The following SEMA5A variants were observed in gnomAD, a reference collection of about 807,000 sequenced individuals.
The protein encoded by SEMA5A is semaphorin-5A.
SEMA5A carries 55 observed loss-of-function variants against 135.5 expected under a neutral mutation model. The ratio of observed to expected loss-of-function variants is 0.41; its 90% CI spans 0.33 to 0.51. The LOEUF is 0.51. SEMA5A is among the 20% of genes least tolerant of loss of function. SEMA5A has a pLI of 0.37. For missense variants in SEMA5A, 1,290 were observed against 1,419.9 expected (o/e 0.91, Z 1.47); for synonymous variants, 580 against 546.5 (o/e 1.06, Z -0.85).
At chr5:9,067,892 T>C (rs1737563068) in intron 16 of SEMA5A, among the ~76,000 whole-genome samples, 1 of 152,178 alleles carries the variant, frequency 6.6e-6, no homozygotes, top group African/African-American at 2.4e-5. Context: ...TCCTCAACCT[T>C]ATCTTTCAAA....
At chr5:9,117,565 T>G (rs1156790464) in intron 15 of SEMA5A, among the ~76,000 whole-genome samples, 1 of 152,216 alleles carries the variant, frequency 6.6e-6, no homozygotes, top group Non-Finnish European at 1.5e-5. Context: ...TTATATATTT[T>G]AAATAATTTT....
intron 5 of SEMA5A, among the ~76,000 whole-genome samples, chr5:9,238,550 G>A (rs146615030): frequency 2.8e-4 from 42 of 152,156 alleles, no homozygotes; most frequent in African/African-American, 9.9e-4. Context: ...AATTTGCTAT[G>A]TGTGCTTCCA....
chr5:9,394,648 G>A (rs183332801), intron 2 of SEMA5A, among the ~76,000 whole-genome samples: 95 of 152,292 alleles, frequency 6.2e-4, no homozygotes, highest in Non-Finnish European at 4.9e-4. Flanking sequence ...GGTTTTGGAA[G>A]TGTGGGAATC....
At chr5:9,107,806 T>A (rs17237642) in intron 16 of SEMA5A, among the ~76,000 whole-genome samples, 39,852 of 151,962 alleles carry the variant, frequency 0.26, 5,449 homozygotes, top group Non-Finnish European at 0.31. Context: ...CTGCCAAGAA[T>A]CTCATGTTTG....
At chr5:9,056,243 A>G (rs1363214404) in intron 18 of SEMA5A, among the ~76,000 whole-genome samples, 1 of 152,348 alleles carries the variant, frequency 6.6e-6, no homozygotes, top group East Asian at 1.9e-4. Context: ...ATCATGAATC[A>G]ACAGGGAAAT....
intron 2 of SEMA5A, among the ~76,000 whole-genome samples, chr5:9,409,389 G>A (rs571848001): frequency 1.3e-5 from 2 of 152,300 alleles, no homozygotes; most frequent in African/African-American, 2.4e-5. Flanking sequence ...GGGCCACTAA[G>A]TTACTGGCCA....
At chr5:9,048,557 G>T (rs557904698) in intron 21 of SEMA5A, among the ~76,000 whole-genome samples, 1 of 152,196 alleles carries the variant, frequency 6.6e-6, no homozygotes, top group East Asian at 1.9e-4. Flanking sequence ...TAAGGAGATT[G>T]GTTGTAGAAC....
At chr5:9,518,276 C>T (rs1211433919) in intron 1 of SEMA5A, among the ~76,000 whole-genome samples, 6 of 152,090 alleles carry the variant, frequency 3.9e-5, no homozygotes, top group Non-Finnish European at 8.8e-5. Flanking sequence ...TTTTATGTGT[C>T]CTGATGATAA....
intron 5 of SEMA5A, among the ~76,000 whole-genome samples, chr5:9,268,882 C>T (rs1047532287): frequency 5.3e-5 from 8 of 152,070 alleles, no homozygotes; most frequent in Admixed American, 4.6e-4. Context: ...GTGTTTTAAA[C>T]ATACTAATTT....
chr5:9,410,873 G>GA (rs34258489), intron 2 of SEMA5A, among the ~76,000 whole-genome samples: 173 of 138,728 alleles, frequency 1.2e-3, no homozygotes, highest in South Asian at 3.1e-3. Flanking sequence ...ATAAAAGCAG[G>GA]AAAAAAAAAA....
At chr5:9,197,377 G>A in intron 9 of SEMA5A, 74 bp from the exon 10 acceptor site, 2 of 1,543,114 alleles carry the variant, frequency 1.3e-6, no homozygotes, top group East Asian at 2.3e-5. Flanking sequence ...TATGGACTGG[G>A]CAGCAGCTGT....
In SEMA5A at chr5:9,252,825, AG is replaced by A. The variant is rs1007537098; in HGVS notation, c.271-14936del. On this transcript the variant is annotated intron_variant, in intron 5 of 22. Transcript: ENST00000382496. ...AGCCCTTTCTTATACAGCTCAGAGC[AG>A]GGACACCCTGGGGAGGTGTGAAGAA... Among the ~76,000 whole-genome samples the A allele has an allele frequency of 4.6e-5, 7 of 152,320 alleles. 1 individual carries two copies. Among genetic ancestry groups the A allele is most frequent in the Admixed American group, 4.6e-4 (7 of 15,296 alleles).
chr5:9,399,099 A>G (rs953018), intron 2 of SEMA5A, among the ~76,000 whole-genome samples: 31,031 of 152,246 alleles, frequency 0.2, 3,684 homozygotes, highest in Middle Eastern at 0.29. Flanking sequence ...TCCTATGTCT[A>G]TATCTAAGAG....
At chr5:9,147,327 T>C (rs1443756432) in intron 12 of SEMA5A, among the ~76,000 whole-genome samples, 2 of 152,160 alleles carry the variant, frequency 1.3e-5, no homozygotes, top group Non-Finnish European at 2.9e-5. Flanking sequence ...AATCTTGCTC[T>C]GTCACCCAGG....
At chr5:9,431,537 C>T (rs1757856035) in intron 2 of SEMA5A, among the ~76,000 whole-genome samples, 1 of 152,076 alleles carries the variant, frequency 6.6e-6, no homozygotes, top group Non-Finnish European at 1.5e-5. Flanking sequence ...CACATGAAAC[C>T]CCCACTAGCT....
At chr5:9,514,603 C>T (rs1430185311) in intron 1 of SEMA5A, among the ~76,000 whole-genome samples, 2 of 152,184 alleles carry the variant, frequency 1.3e-5, no homozygotes, top group African/African-American at 4.8e-5. Context: ...TACTTACAAT[C>T]CCTAATACAA....
intron 1 of SEMA5A, among the ~76,000 whole-genome samples, chr5:9,536,695 G>A (rs1421464660): frequency 6.6e-6 from 1 of 151,800 alleles, no homozygotes; most frequent in Non-Finnish European, 1.5e-5. Context: ...CCCTGTCCTG[G>A]GCAAAGGCTC....
At chr5:9,337,654 G>T in intron 4 of SEMA5A, 59 bp downstream of exon 4, 1 of 1,102,642 alleles carries the variant, frequency 9.1e-7, no homozygotes, top group Non-Finnish European at 1.4e-6. Context: ...ACATGTAACT[G>T]CACAGATGTA....
chr5:9,372,967 G>A (rs897573179), intron 3 of SEMA5A, among the ~76,000 whole-genome samples: 2 of 152,218 alleles, frequency 1.3e-5, no homozygotes, highest in African/African-American at 2.4e-5. Flanking sequence ...CCACAAGACA[G>A]CACGGGGTCA....
Sources: allele counts gnomAD v4.1 joint callset (sites outside exome capture counted in the v4.1 genomes callset), GRCh38; gene constraint gnomAD v4.1.1; transcripts MANE v1.5; gene names NCBI Gene and HGNC (gene_info 2026-07-23, HGNC 2026-07-21).